The following SEZ6L variants were observed in gnomAD, a reference collection of about 807,000 sequenced individuals.
SEZ6L encodes seizure related 6 homolog like.
In SEZ6L, 37 loss-of-function variants were observed where a neutral mutation model predicts 106.2. The ratio of observed to expected loss-of-function variants is 0.35; its 90% confidence interval spans 0.27 to 0.46. The LOEUF (loss-of-function observed/expected upper bound fraction) is 0.46, where lower values mean the gene tolerates loss of function less well. Ranked by LOEUF, SEZ6L falls within the 20% of genes least tolerant of loss-of-function variation. The pLI is 1.00. For missense variants in SEZ6L, 1,172 were observed against 1,332.8 expected (o/e 0.88, Z 1.88); for synonymous variants, 541 against 570.4 (o/e 0.95, Z 0.73).
At chr22:26,370,444 T>G (rs955215263) in intron 13 of SEZ6L, among the ~76,000 whole-genome samples, 3 of 152,286 alleles carry the variant, frequency 2.0e-5, no homozygotes, top group Non-Finnish European at 2.9e-5. Flanking sequence ...CACTTTGGCC[T>G]GGACAACGTG....
chr22:26,205,138 A>G (rs1448574529), intron 1 of SEZ6L, among the ~76,000 whole-genome samples: 1 of 152,262 alleles, frequency 6.6e-6, no homozygotes, highest in African/African-American at 2.4e-5. Context: ...AACTCGCTTT[A>G]TGTGGCAGAT....
intron 1 of SEZ6L, among the ~76,000 whole-genome samples, chr22:26,243,869 G>A (rs79324551): frequency 0.21 from 32,026 of 151,514 alleles, 3,599 homozygotes; most frequent in Admixed American, 0.31. Context: ...AGAGAAGAAA[G>A]ATGAGCAGGG....
intron 13 of SEZ6L, among the ~76,000 whole-genome samples, chr22:26,367,112 C>A (rs1475276242): frequency 6.6e-6 from 1 of 152,082 alleles, no homozygotes; most frequent in African/African-American, 2.4e-5. Flanking sequence ...ACGTCCATAA[C>A]GAACTAAAGT....
At chr22:26,269,838 C>A (rs11704957) in intron 1 of SEZ6L, among the ~76,000 whole-genome samples, 8,457 of 152,288 alleles carry the variant, frequency 0.056, 364 homozygotes, top group African/African-American at 0.11. Flanking sequence ...ATTGTATTAT[C>A]TCGGCCACCA....
rs2084253326 is a variant in SEZ6L, at chr22:26,377,087, T to C, written c.2943-586T>C. On this transcript the variant is annotated intron_variant, in intron 15 of 16. Transcript: ENST00000248933. ...GTGAGCCCAGGAGTTTGAGACCAGC[T>C]TGGGCAATGGGCAATATAGTGAGAG... 4.6e-5 allele frequency among the ~76,000 whole-genome samples: 7 copies of C among 152,108 alleles called. No homozygotes were observed. The South Asian group carries it at 1.5e-3, about 32-fold the overall frequency.
At chr22:26,214,124 T>C (rs2078234678) in intron 1 of SEZ6L, among the ~76,000 whole-genome samples, 1 of 152,174 alleles carries the variant, frequency 6.6e-6, no homozygotes, top group Non-Finnish European at 1.5e-5. Flanking sequence ...ACTAATGACT[T>C]TGGAGATCAG....
chr22:26,174,441 C>T (rs1199087058), intron 1 of SEZ6L, among the ~76,000 whole-genome samples: 2 of 152,194 alleles, frequency 1.3e-5, no homozygotes, highest in African/African-American at 4.8e-5. Context: ...ATCTGTCGGA[C>T]CTGCCTGTCC....
intron 1 of SEZ6L, among the ~76,000 whole-genome samples, chr22:26,214,427 G>A (rs2078243419): frequency 1.3e-5 from 2 of 152,278 alleles, no homozygotes; most frequent in Admixed American, 1.3e-4. Context: ...TCCTAGACCC[G>A]TTTTCTCAGA....
intron 1 of SEZ6L, among the ~76,000 whole-genome samples, chr22:26,269,105 T>G (rs181512114): frequency 3.3e-5 from 5 of 152,354 alleles, no homozygotes; most frequent in Middle Eastern, 3.4e-3. Flanking sequence ...TGTTCAATGC[T>G]GTGCTGGTAT....
intron 9 of SEZ6L, among the ~76,000 whole-genome samples, chr22:26,327,202 G>A (rs2082332754): frequency 6.7e-6 from 1 of 148,840 alleles, no homozygotes; most frequent in South Asian, 2.1e-4. Flanking sequence ...GTGTGTGTGT[G>A]GCAGTATATA....
intron 12 of SEZ6L, among the ~76,000 whole-genome samples, chr22:26,354,390 C>G (rs9620603): frequency 2.6e-5 from 4 of 151,988 alleles, no homozygotes; most frequent in Middle Eastern, 6.8e-3. Context: ...AAGGAAGGAC[C>G]CCCCCCAACC....
At chr22:26,281,969 G>T (rs1030099693) in intron 1 of SEZ6L, among the ~76,000 whole-genome samples, 45 of 152,228 alleles carry the variant, frequency 3.0e-4, no homozygotes, top group African/African-American at 1.0e-3. Context: ...ATTCCACCTG[G>T]ATATTCTGTA....
intron 1 of SEZ6L, among the ~76,000 whole-genome samples, chr22:26,284,701 G>A (rs981016396): frequency 4.7e-5 from 7 of 149,448 alleles, no homozygotes; most frequent in Non-Finnish European, 1.0e-4. Context: ...TTGGTGAACA[G>A]AACGTAGGAG....
At chr22:26,187,678 T>C (rs1326366294) in intron 1 of SEZ6L, among the ~76,000 whole-genome samples, 1 of 152,014 alleles carries the variant, frequency 6.6e-6, no homozygotes, top group African/African-American at 2.4e-5. Context: ...GAATATAAAT[T>C]TGGGCAAATG....
At chr22:26,318,404 T>C (rs1166974002) in intron 9 of SEZ6L, among the ~76,000 whole-genome samples, 3 of 111,326 alleles carry the variant, frequency 2.7e-5, no homozygotes, top group African/African-American at 1.2e-4. Flanking sequence ...TAGCATCCCC[T>C]CCTCCAAAAA....
intron 10 of SEZ6L, among the ~76,000 whole-genome samples, chr22:26,341,975 C>T (rs559248986): frequency 1.6e-3 from 244 of 152,254 alleles, no homozygotes; most frequent in African/African-American, 5.6e-3. Context: ...CCAGCCCTGT[C>T]GTGTTCCAGC....
intron 7 of SEZ6L, 116 bp downstream of exon 7, chr22:26,310,952 A>C: frequency 9.9e-7 from 1 of 1,011,020 alleles, no homozygotes. Flanking sequence ...TCCCATGGCC[A>C]TGTGGATCCT....
chr22:26,295,251 A>G (rs1165167544), intron 3 of SEZ6L, among the ~76,000 whole-genome samples: 2 of 152,146 alleles, frequency 1.3e-5, no homozygotes, highest in African/African-American at 2.4e-5. Flanking sequence ...GCAGAGAGAG[A>G]GGGAGGAGAG....
intron 1 of SEZ6L, among the ~76,000 whole-genome samples, chr22:26,217,195 AC>A (rs2078323844): frequency 1.3e-5 from 2 of 152,122 alleles, no homozygotes; most frequent in Admixed American, 1.3e-4. Context: ...CAGAGCTGGG[AC>A]CCCAGAATGC....
Sources: allele counts gnomAD v4.1 joint callset (sites outside exome capture counted in the v4.1 genomes callset), GRCh38; gene constraint gnomAD v4.1.1; transcripts MANE v1.5; gene names NCBI Gene and HGNC (gene_info 2026-07-23, HGNC 2026-07-21).